ABCA8: variants seen among roughly 807,000 people sequenced by gnomAD.
ABCA8 encodes the protein ATP binding cassette subfamily A member 8.
In ABCA8, 177 loss-of-function variants were observed where a neutral mutation model predicts 192.3. The ratio of observed to expected loss-of-function variants is 0.92; its 90% confidence interval spans 0.81 to 1.04. The LOEUF is 1.04. Among genes scored for constraint, ABCA8 ranks in the 50% least tolerant of loss-of-function variants. The pLI is 0.00. For synonymous variants in ABCA8, 642 were observed against 690.2 expected, an observed-to-expected ratio of 0.93 and a Z score of 1.09; for missense variants, 1,915 against 1,904.8, an observed-to-expected ratio of 1.01 and a Z score of -0.10.
chr17:68,881,287 T>C, intron 31 of ABCA8, 76 bp from the exon 32 acceptor site: 1 of 1,050,490 alleles, frequency 9.5e-7, no homozygotes, highest in South Asian at 1.4e-5. Flanking sequence ...GAAATCTCAC[T>C]ATGTGACAAG....
rs571841431 is a variant in ABCA8, at chr17:68,910,396, A to C, written c.2139-2517T>G. On this transcript the variant is annotated intron_variant, in intron 17 of 39. Transcript: ENST00000586539. Reference sequence around the variant, plus strand: ...GTCACAGTGACAAGCAACGTAGGGCAGAATTCGGCCACTGCCCACAGAGGG... The same window carrying C: ...GTCACAGTGACAAGCAACGTAGGGCCGAATTCGGCCACTGCCCACAGAGGG... 1.8e-4 allele frequency among the ~76,000 whole-genome samples: 27 copies of C among 152,300 alleles called. No individual in the cohort carries two copies. In the South Asian group the frequency reaches 5.4e-3, roughly 30 times the overall value.
Position 68,933,193 on chromosome 17 carries a change from G to C in ABCA8, c.545C>G (p.Ala182Gly), listed in dbSNP as rs763535801. Residue 182 changes from alanine to glycine, a missense_variant, in exon 6 of 40, where the codon GCT (alanine) becomes GGT (glycine). Ala to Gly is a moderately conservative substitution (Grantham distance 60). Coordinates refer to ENST00000586539, the MANE Select transcript of ABCA8 (RefSeq NM_001288985.2). Reference protein sequence around the residue: ...FWKEGFVALQAAINAAIIEIT... With the variant: ...FWKEGFVALQGAINAAIIEIT... The stretch of plus-strand genomic sequence containing the variant: ...TTCTATAATAGCAGCATTAATGGCA[G>C]CTTGAAGAGCCACAAAACCTTCCTT... The C allele has an allele frequency of 5.0e-6, 8 of 1,612,436 alleles. No homozygotes were observed. The highest frequency in any genetic ancestry group is 2.7e-5 in the African/African-American group (2 of 74,964).
chr17:68,871,006 AT>A (rs1411687417), intron 37 of ABCA8, among the ~76,000 whole-genome samples: 1 of 152,050 alleles, frequency 6.6e-6, no homozygotes, highest in African/African-American at 2.4e-5. Flanking sequence ...AGCAACAGTT[AT>A]TTTTTTGGGG....
At chr17:68,875,189 C>T in intron 37 of ABCA8, 71 bp downstream of exon 37, 1 of 1,582,844 alleles carries the variant, frequency 6.3e-7, no homozygotes. Flanking sequence ...TTTTGAATGA[C>T]TATCACTCAA....
intron 21 of ABCA8, among the ~76,000 whole-genome samples, chr17:68,898,113 C>T (rs2066811126): frequency 6.6e-6 from 1 of 152,002 alleles, no homozygotes; most frequent in Non-Finnish European, 1.5e-5. Flanking sequence ...AAGGAAACAC[C>T]AATAAGAACC....
chr17:68,905,822 C>G (rs572422683), intron 19 of ABCA8, among the ~76,000 whole-genome samples: 14 of 152,162 alleles, frequency 9.2e-5, no homozygotes, highest in Admixed American at 7.9e-4. Context: ...TGAAATTGCC[C>G]TTAGAAGCCT....
At chr17:68,926,147 G>A (rs2067692097) in intron 10 of ABCA8, among the ~76,000 whole-genome samples, 1 of 151,186 alleles carries the variant, frequency 6.6e-6, no homozygotes, top group South Asian at 2.1e-4. Context: ...GAGTATGTTT[G>A]AAACAAGGAC....
At chr17:68,886,935 C>A in intron 26 of ABCA8, 82 bp downstream of exon 26, 1 of 902,892 alleles carries the variant, frequency 1.1e-6, no homozygotes. Context: ...TATTATCATC[C>A]TACAGAGGGC....
In ABCA8 at chr17:68,929,138, AC is replaced by A. The variant is rs1401763918; in HGVS notation, c.1035del (p.Phe346SerfsTer16). On this transcript the variant is annotated frameshift_variant, in exon 9 of 40. Transcript: ENST00000586539. LOFTEE classifies it high-confidence loss of function. ...GGAAGGTGTCTGTACAGTGATGTGA[AC>A]CCCAGACACCCCCAAAAGACAGTGA... ...FLLTVFWGCL[G>X]FTSLYRHLPA... is the part of the protein sequence containing the mutation. The A allele has an allele frequency of 4.3e-6, 7 of 1,611,872 alleles. 1 individual carries two copies. Among genetic ancestry groups the A allele is most frequent in the Non-Finnish European group, 5.9e-6 (7 of 1,178,786 alleles).
chr17:68,899,167 A>C (rs1232564564), intron 21 of ABCA8, among the ~76,000 whole-genome samples: 1 of 152,050 alleles, frequency 6.6e-6, no homozygotes, highest in African/African-American at 2.4e-5. Flanking sequence ...TAAAGAAGAA[A>C]TAGAGGAACA....
rs1324129960 is a variant in ABCA8 at position 68,942,100 on chromosome 17, T to C, written c.-5-61A>G. 1.4e-5 allele frequency: 18 copies of C among 1,268,134 alleles called. No individual in the cohort carries two copies. The East Asian group carries it at 2.3e-4, about 16-fold the overall frequency. The allele number at this position is 1,268,134 out of a possible 1,614,324, so 78.6% of individuals were successfully genotyped here. ...ATGAAGTTCTTAAGAAAAAGAAATATCCTGCAAACAACAAAAAAACGTAGC... is the reference window on the plus strand; with the variant it reads ...ATGAAGTTCTTAAGAAAAAGAAATACCCTGCAAACAACAAAAAAACGTAGC... On this transcript the variant is annotated intron_variant, in intron 2 of 39. Coordinates refer to ENST00000586539, the MANE Select transcript of ABCA8 (RefSeq NM_001288985.2).
At chr17:68,894,599 G>A (rs2066699892) in intron 22 of ABCA8, among the ~76,000 whole-genome samples, 1 of 152,098 alleles carries the variant, frequency 6.6e-6, no homozygotes, top group South Asian at 2.1e-4. Flanking sequence ...CAGAAGTTTT[G>A]GAATACATGT....
intron 14 of ABCA8, 143 bp downstream of exon 14, chr17:68,919,158 T>C (rs2067468923): frequency 4.3e-6 from 3 of 703,956 alleles, no homozygotes; most frequent in East Asian, 5.4e-5. Context: ...TTATATGCAA[T>C]GTTAGCTATT....
At chr17:68,950,824 C>G (rs887551034) in intron 1 of ABCA8, among the ~76,000 whole-genome samples, 2 of 152,126 alleles carry the variant, frequency 1.3e-5, no homozygotes, top group Non-Finnish European at 2.9e-5. Flanking sequence ...ACCCAATTAT[C>G]CATCTGTCTG....
chr17:68,884,172 G>A (rs915136586), intron 28 of ABCA8, among the ~76,000 whole-genome samples, 159 bp downstream of exon 28: 2 of 152,118 alleles, frequency 1.3e-5, no homozygotes, highest in African/African-American at 4.8e-5. Flanking sequence ...TTTGATCTTT[G>A]TAAAAATAAT....
At chr17:68,920,546 C>A (rs929522951) in intron 13 of ABCA8, among the ~76,000 whole-genome samples, 12 of 151,724 alleles carry the variant, frequency 7.9e-5, no homozygotes, top group African/African-American at 2.4e-4. Context: ...ATGCAGTATA[C>A]CAATTAAATA....
At chr17:68,876,363 CAA>C (rs1215606460) in intron 35 of ABCA8, 95 bp downstream of exon 35, 23 of 1,465,346 alleles carry the variant, frequency 1.6e-5, no homozygotes, top group Admixed American at 3.6e-5. Context: ...TTGTTCTCCA[CAA>C]AAGAGTTTAA....
chr17:68,876,640 T>G lies in ABCA8; in HGVS notation c.4263A>C (p.Gly1421=). Residue 1421 remains glycine (G), a synonymous_variant, in exon 34 of 40, where the codon GGA becomes GGC. Transcript: ENST00000586539. Reference sequence around the variant, plus strand: ...GCCCTGCCCGTACCTTTCTCTTTATTCCCTCTGACAAGGTCTTCACGGGAG... The same window carrying G: ...GCCCTGCCCGTACCTTTCTCTTTATGCCCTCTGACAAGGTCTTCACGGGAG... ...LKSPVKTLSE[G]IKRKLCFVLS... 2 of 1,614,180 alleles carry G rather than the reference T, an allele frequency of 1.2e-6. No individual in the cohort carries two copies. The highest frequency in any genetic ancestry group is 1.7e-6 in the Non-Finnish European group (2 of 1,180,028).
At position 68,911,734 on chromosome 17, in the gene ABCA8, T is replaced by TACACACACACAC. The variant is rs60957466; in HGVS notation, c.2139-3867_2139-3856dup. 4.3e-3 allele frequency among the ~76,000 whole-genome samples: 626 copies of TACACACACACAC among 144,068 alleles called. 3 individuals are homozygous for TACACACACACAC. The highest frequency in any genetic ancestry group is 7.9e-3 in the African/African-American group (308 of 39,196). The allele number at this position is 144,068 out of a possible 152,430, so 94.5% of individuals were successfully genotyped here. ...CCTCTGCCAGCTCCAGACAGCTCAA[T>TACACACACACAC]ACACACACACACACACACACACACA... On this transcript the variant is annotated intron_variant, in intron 17 of 39. Transcript: ENST00000586539. This position sits in a 1 kb window ranked among gnomAD's most constrained non-coding sequence, Gnocchi z 5.7.
Sources: gnomAD v4.1 joint callset for allele counts (sites outside exome capture counted in the v4.1 genomes callset) on GRCh38, gnomAD v4.1.1 for gene constraint, Gnocchi (gnomAD v3.1) non-coding constraint, MANE v1.5 for transcripts, NCBI Gene and HGNC (gene_info 2026-07-23, HGNC 2026-07-21) for gene names.